Variants in EPHA6 observed in about 807,000 individuals in gnomAD.
EPHA6 encodes ephrin type-A receptor 6.
A neutral mutation model predicts 112.0 loss-of-function variants in EPHA6; 50 were observed. The observed-to-expected ratio is 0.45, with a 90% CI of 0.36 to 0.56. EPHA6 has a LOEUF of 0.56. EPHA6 is among the 20% of genes least tolerant of loss of function. EPHA6 has a pLI of 0.00. For synonymous variants in EPHA6, 529 were observed against 490.7 expected, an observed-to-expected ratio of 1.08 and a Z score of -1.03; for missense variants, 1,280 against 1,417.4, an observed-to-expected ratio of 0.90 and a Z score of 1.56.
intron 5 of EPHA6, among the ~76,000 whole-genome samples, chr3:97,318,080 C>G (rs1045144474): frequency 1.3e-5 from 2 of 151,940 alleles, no homozygotes; most frequent in Admixed American, 6.6e-5. Flanking sequence ...ATTAGGAGCT[C>G]AGGTCTGTTT....
intron 13 of EPHA6, among the ~76,000 whole-genome samples, chr3:97,616,617 A>T (rs528574877): frequency 3.1e-4 from 47 of 152,304 alleles, no homozygotes; most frequent in African/African-American, 1.1e-3. Context: ...AAACACAATA[A>T]AAGAATTTCA....
At chr3:97,712,094 C>T (rs535312581) in intron 14 of EPHA6, among the ~76,000 whole-genome samples, 2 of 152,092 alleles carry the variant, frequency 1.3e-5, no homozygotes, top group African/African-American at 2.4e-5. Flanking sequence ...TTGCCAATGG[C>T]CTGGAATAAT....
At chr3:97,344,564 A>G (rs2083449534) in intron 5 of EPHA6, among the ~76,000 whole-genome samples, 1 of 152,140 alleles carries the variant, frequency 6.6e-6, no homozygotes, top group African/African-American at 2.4e-5. Context: ...TGGACACCAG[A>G]TCTGCCAATG....
At chr3:97,104,028 A>G (rs2047487395) in intron 3 of EPHA6, among the ~76,000 whole-genome samples, 1 of 152,128 alleles carries the variant, frequency 6.6e-6, no homozygotes, top group African/African-American at 2.4e-5. Context: ...GTTGTTTATC[A>G]GCTGAAGGAA....
chr3:97,663,633 C>A (rs1177485157), intron 14 of EPHA6, among the ~76,000 whole-genome samples: 1 of 151,964 alleles, frequency 6.6e-6, no homozygotes, highest in African/African-American at 2.4e-5. Context: ...TGGTTTCCAG[C>A]TTCATCCATG....
chr3:97,547,455 TGA>T (rs1327330186), intron 11 of EPHA6, among the ~76,000 whole-genome samples: 7 of 152,132 alleles, frequency 4.6e-5, no homozygotes, highest in Non-Finnish European at 1.0e-4. Flanking sequence ...CCCGGCTGTG[TGA>T]GGTGTCAGTC....
chr3:97,508,523 G>C (rs539886717), intron 10 of EPHA6, among the ~76,000 whole-genome samples: 1 of 152,162 alleles, frequency 6.6e-6, no homozygotes, highest in African/African-American at 2.4e-5. Flanking sequence ...TGTGGTCTGA[G>C]AGACTGTTAT....
At position 97,748,657 on chromosome 3, in the gene EPHA6, C is replaced by G. The variant is rs755082271; in HGVS notation, c.3349C>G (p.Arg1117Gly). 3.1e-6 allele frequency: 5 copies of G among 1,611,696 alleles called. No individual in the cohort carries two copies. The highest frequency in any genetic ancestry group is 4.2e-6 in the Non-Finnish European group (5 of 1,178,096). Residue 1117 changes from arginine (R) to glycine (G), a missense_variant, in exon 18 of 18, where the codon CGT (arginine) becomes GGT (glycine). Transcript: ENST00000389672. Reference protein sequence around the residue: ...RRIVSSIQTLRLHMMHIQEKG... With the variant: ...RRIVSSIQTLGLHMMHIQEKG... ...AATAGTCAGCAGCATACAGACTTTA[C>G]GTTTACACATGATGCACATACAGGA...
chr3:97,463,813 A>C (rs1227484429), intron 7 of EPHA6, among the ~76,000 whole-genome samples: 1 of 152,184 alleles, frequency 6.6e-6, no homozygotes, highest in Non-Finnish European at 1.5e-5. Context: ...AAATGAAAGG[A>C]GTTACCTTTT....
At chr3:97,346,605 G>T (rs975116468) in intron 5 of EPHA6, among the ~76,000 whole-genome samples, 2 of 151,546 alleles carry the variant, frequency 1.3e-5, no homozygotes, top group Non-Finnish European at 2.9e-5. Context: ...AGGAAGGAAC[G>T]TTTACAGGAC....
At chr3:97,168,706 C>T (rs1219772751) in intron 3 of EPHA6, among the ~76,000 whole-genome samples, 32 of 151,958 alleles carry the variant, frequency 2.1e-4, no homozygotes, top group Admixed American at 2.0e-3. Context: ...TGAGGCCTCC[C>T]CAGAAACAGA....
chr3:97,746,610 G>A (rs2035725425), intron 16 of EPHA6, among the ~76,000 whole-genome samples: 1 of 151,616 alleles, frequency 6.6e-6, no homozygotes, highest in Non-Finnish European at 1.5e-5. Flanking sequence ...TGTATGTAAT[G>A]TATATATAAG....
intron 6 of EPHA6, among the ~76,000 whole-genome samples, chr3:97,407,217 G>C (rs1033454991): frequency 6.6e-5 from 10 of 151,872 alleles, no homozygotes; most frequent in African/African-American, 2.4e-4. Context: ...CTAGATCTAG[G>C]TAATCTTTTA....
chr3:97,550,613 C>T (rs150530700), intron 11 of EPHA6, among the ~76,000 whole-genome samples: 24 of 152,294 alleles, frequency 1.6e-4, no homozygotes, highest in Middle Eastern at 6.8e-3. Context: ...AGAATTAAAA[C>T]ATCTCTGACT....
chr3:97,594,962 G>GTTC (rs2107359615), intron 12 of EPHA6, among the ~76,000 whole-genome samples: 1 of 152,230 alleles, frequency 6.6e-6, no homozygotes, highest in East Asian at 1.9e-4. Context: ...TTAAAAACCT[G>GTTC]TTCTATTGCT....
At chr3:97,048,836 A>G (rs553483502) in intron 3 of EPHA6, among the ~76,000 whole-genome samples, 89 of 152,294 alleles carry the variant, frequency 5.8e-4, no homozygotes, top group Middle Eastern at 3.4e-3. Context: ...ACATTAAAAA[A>G]CAAATGCTGC....
At chr3:97,098,912 A>G (rs1411936391) in intron 3 of EPHA6, among the ~76,000 whole-genome samples, 1 of 151,960 alleles carries the variant, frequency 6.6e-6, no homozygotes, top group Non-Finnish European at 1.5e-5. Context: ...TTATATTCTC[A>G]TTAACATAAT....
chr3:97,247,319 G>T (rs575357454), intron 5 of EPHA6, among the ~76,000 whole-genome samples: 2 of 152,066 alleles, frequency 1.3e-5, no homozygotes, highest in South Asian at 2.1e-4. Flanking sequence ...TGTATTCCTT[G>T]TGTATGATAG....
In EPHA6 at chr3:97,650,587, A is replaced by G. The variant is rs2094101072; in HGVS notation, c.2784+12505A>G. Among the ~76,000 whole-genome samples the G allele has an allele frequency of 2.0e-5, 3 of 152,068 alleles. No individual in the cohort carries two copies. In the South Asian group the frequency reaches 6.2e-4, roughly 32 times the overall value. On this transcript the variant is annotated intron_variant, in intron 14 of 17. Coordinates refer to ENST00000389672, the MANE Select transcript of EPHA6 (RefSeq NM_001080448.3). ...TCCATCTGGCTCAGTCATATATACT[A>G]TTAAGAAGGCAAGCCAAACTTTGAG...
Sources: gnomAD v4.1 joint callset for allele counts (sites outside exome capture counted in the v4.1 genomes callset) on GRCh38, gnomAD v4.1.1 for gene constraint, MANE v1.5 for transcripts, NCBI Gene and HGNC (gene_info 2026-07-23, HGNC 2026-07-21) for gene names.